ABLIM1: variants seen among roughly 807,000 people sequenced by gnomAD.
ABLIM1 encodes actin binding LIM protein 1.
In ABLIM1, 40 loss-of-function variants were observed where a neutral mutation model predicts 107.0. The ratio of observed to expected loss-of-function variants is 0.37; its 90% CI spans 0.29 to 0.49. The LOEUF (loss-of-function observed/expected upper bound fraction) is 0.49. Among genes scored for constraint, ABLIM1 ranks in the 20% least tolerant of loss-of-function variants. The pLI is 0.97. For missense variants in ABLIM1, 857 were observed against 1,008.5 expected, an observed-to-expected ratio of 0.85 and a Z score of 2.04; for synonymous variants, 357 against 357.3, an observed-to-expected ratio of 1.00 and a Z score of 0.01.
At chr10:114,718,558 C>G (rs770462388) in intron 1 of ABLIM1, among the ~76,000 whole-genome samples, 1 of 152,224 alleles carries the variant, frequency 6.6e-6, no homozygotes, top group Non-Finnish European at 1.5e-5. Flanking sequence ...AACAGCAATG[C>G]AGCAGCTGTG....
the ABLIM1 span, among the ~76,000 whole-genome samples, chr10:114,781,671 T>C: frequency 7.3e-6 from 1 of 136,308 alleles, no homozygotes; most frequent in Non-Finnish European, 1.6e-5. Flanking sequence ...CGTGTATATA[T>C]ATATATATAT....
rs1479260333 is a variant in ABLIM1 at position 114,432,172 on chromosome 10, A to C, written c.*4088T>G. On this transcript the variant is annotated 3_prime_UTR_variant, in exon 23 of 23. Transcript: ENST00000533213. Reference sequence around the variant, plus strand: ...AGCAAGCTTTGGGGCATACTGACAAACACTTCATTGGTTAGAAGAGAATAA... The same window carrying C: ...AGCAAGCTTTGGGGCATACTGACAACCACTTCATTGGTTAGAAGAGAATAA... The C allele has an allele frequency of 6.6e-6, 1 of 152,240 alleles. No individual in the cohort carries two copies. Among genetic ancestry groups the C allele is most frequent in the Non-Finnish European group, 1.5e-5 (1 of 68,048 alleles). 9.4% of individuals were successfully genotyped at this position (152,240 alleles called of 1,614,324 possible).
intron 1 of ABLIM1, among the ~76,000 whole-genome samples, chr10:114,618,111 A>C (rs1206495107): frequency 1.3e-5 from 2 of 152,198 alleles, no homozygotes; most frequent in African/African-American, 4.8e-5. Context: ...TTAGCTACTG[A>C]CATCCTGTTT....
chr10:114,623,141 A>G (rs1254897314), intron 1 of ABLIM1, among the ~76,000 whole-genome samples: 1 of 152,136 alleles, frequency 6.6e-6, no homozygotes, highest in African/African-American at 2.4e-5. Flanking sequence ...TGTATTGTTA[A>G]TGAACTTTTA....
chr10:114,733,340 A>G (rs2082114456), intron 1 of ABLIM1, among the ~76,000 whole-genome samples: 1 of 152,186 alleles, frequency 6.6e-6, no homozygotes, highest in Non-Finnish European at 1.5e-5. Context: ...AAGTAGGACC[A>G]AAAAAATTGC....
At chr10:114,501,425 A>C (rs1590547371) in intron 6 of ABLIM1, among the ~76,000 whole-genome samples, 1 of 152,224 alleles carries the variant, frequency 6.6e-6, no homozygotes, top group African/African-American at 2.4e-5. Context: ...CCATGACTTT[A>C]TATATCCTCT....
At chr10:114,738,809 T>C (rs142217279) in intron 1 of ABLIM1, among the ~76,000 whole-genome samples, 2 of 151,858 alleles carry the variant, frequency 1.3e-5, no homozygotes, top group Non-Finnish European at 2.9e-5. Context: ...GAGTGCTAGT[T>C]GGTTAGAGGA....
intron 1 of ABLIM1, among the ~76,000 whole-genome samples, chr10:114,634,855 T>C (rs993502357): frequency 1.3e-5 from 2 of 152,228 alleles, no homozygotes; most frequent in African/African-American, 4.8e-5. Flanking sequence ...CCAAAGAGTG[T>C]ATTACTAAAG....
the ABLIM1 span, among the ~76,000 whole-genome samples, chr10:114,782,662 A>G: frequency 2.0e-5 from 3 of 152,130 alleles, no homozygotes; most frequent in African/African-American, 7.2e-5. Flanking sequence ...TGATCTCCAC[A>G]TTTTATGATC....
chr10:114,751,852 C>A (rs2082520866), intron 1 of ABLIM1, among the ~76,000 whole-genome samples: 1 of 151,872 alleles, frequency 6.6e-6, no homozygotes, highest in African/African-American at 2.4e-5. Flanking sequence ...CTTTCACTAA[C>A]AAACTTTTCA....
chr10:114,734,493 C>A (rs1454955572), intron 1 of ABLIM1, among the ~76,000 whole-genome samples: 1 of 151,284 alleles, frequency 6.6e-6, no homozygotes. Flanking sequence ...TTCTTCAACA[C>A]AACACCCCCG....
chr10:114,599,191 T>C (rs1230406760), intron 2 of ABLIM1, among the ~76,000 whole-genome samples: 9 of 152,208 alleles, frequency 5.9e-5, no homozygotes. Context: ...TTTTGTTAAA[T>C]TGAAAAATAA....
chr10:114,693,160 G>A (rs755166872), intron 1 of ABLIM1, among the ~76,000 whole-genome samples: 2 of 152,046 alleles, frequency 1.3e-5, no homozygotes, highest in Non-Finnish European at 2.9e-5. Flanking sequence ...GGCTGTGTTG[G>A]GATCGGTGAG....
intron 1 of ABLIM1, among the ~76,000 whole-genome samples, chr10:114,699,511 C>T (rs1308760012): frequency 6.6e-6 from 1 of 151,878 alleles, no homozygotes; most frequent in Admixed American, 6.6e-5. Flanking sequence ...AGTCAGAAGA[C>T]AGAAAGTGTG....
chr10:114,686,922 C>T (rs962238717), upstream of ABLIM1, among the ~76,000 whole-genome samples: 2 of 152,116 alleles, frequency 1.3e-5, no homozygotes, highest in Non-Finnish European at 2.9e-5. Context: ...CCACAGTGCC[C>T]GGCCTCAAAC....
At chr10:114,657,515 C>G (rs1275502235) in intron 1 of ABLIM1, among the ~76,000 whole-genome samples, 1 of 152,146 alleles carries the variant, frequency 6.6e-6, no homozygotes, top group Admixed American at 6.5e-5. Flanking sequence ...TTTTTTAGAA[C>G]ATTTCACAAG....
chr10:114,528,783 C>A (rs1322432523), intron 6 of ABLIM1, among the ~76,000 whole-genome samples: 4 of 152,164 alleles, frequency 2.6e-5, no homozygotes, highest in Non-Finnish European at 5.9e-5. Context: ...GATGTACTGT[C>A]TTCAATTTTT....
intron 1 of ABLIM1, chr10:114,767,930 C>A: frequency 3.1e-6 from 1 of 326,732 alleles, no homozygotes; most frequent in South Asian, 2.2e-5. Context: ...CCGGCAGCCC[C>A]GAGCCCGGGG....
chr10:114,557,911 C>T (rs1266858076), intron 4 of ABLIM1, among the ~76,000 whole-genome samples: 1 of 151,310 alleles, frequency 6.6e-6, no homozygotes, highest in Non-Finnish European at 1.5e-5. Context: ...CCAGACCCCT[C>T]ATTCATCATG....
Sources: allele counts gnomAD v4.1 joint callset (sites outside exome capture counted in the v4.1 genomes callset), GRCh38; gene constraint gnomAD v4.1.1; transcripts MANE v1.5; gene names NCBI Gene and HGNC (gene_info 2026-07-23, HGNC 2026-07-21).